BRWD1: variants seen among roughly 807,000 people sequenced by gnomAD.
The protein encoded by BRWD1 is bromodomain and WD repeat-containing protein 1.
In BRWD1, 82 loss-of-function variants were observed where a neutral mutation model predicts 251.2. The ratio of observed to expected loss-of-function variants is 0.33; its 90% CI spans 0.27 to 0.39. The LOEUF is 0.39. Ranked by LOEUF, BRWD1 falls within the 10% of genes least tolerant of loss-of-function variation. The pLI is 1.00. For synonymous variants in BRWD1, 918 were observed against 902.8 expected (o/e 1.02, Z -0.30); for missense variants, 2,233 against 2,711.6 (o/e 0.82, Z 3.92).
rs878965635 is a variant in BRWD1, at chr21:39,194,818, A to T, written c.*1441T>A. 6.5e-7 allele frequency: 1 copy of T among 1,534,388 alleles called. No homozygotes were observed. The highest frequency in any genetic ancestry group is 1.2e-5 in the South Asian group (1 of 83,990). On this transcript the variant is annotated 3_prime_UTR_variant, in exon 41 of 41. Transcript: ENST00000342449. The stretch of plus-strand genomic sequence containing the variant: ...AATATTGATACCAGTCTGATGCTTC[A>T]CCTTATCTGCCACTTCAAAGATACA...
intron 20 of BRWD1, 43 bp from the exon 21 acceptor site, chr21:39,247,875 T>G (rs1177774786): frequency 1.1e-5 from 17 of 1,543,852 alleles, no homozygotes; most frequent in Non-Finnish European, 1.5e-5. Flanking sequence ...AACACCTAAA[T>G]AAGGACAATA....
At chr21:39,278,879 T>C (rs1197361756) in intron 9 of BRWD1, 66 bp from the exon 10 acceptor site, 1 of 1,215,084 alleles carries the variant, frequency 8.2e-7, no homozygotes, top group South Asian at 1.6e-5. Context: ...CTTAAAATAT[T>C]AGTTTTAATC....
At chr21:39,239,222 G>A (rs1234459789) in intron 21 of BRWD1, among the ~76,000 whole-genome samples, 1 of 151,832 alleles carries the variant, frequency 6.6e-6, no homozygotes, top group Non-Finnish European at 1.5e-5. Context: ...TTTCATGATT[G>A]TGCTTTTGAT....
intron 23 of BRWD1, among the ~76,000 whole-genome samples, chr21:39,234,921 A>G (rs1013082661): frequency 1.3e-5 from 2 of 152,196 alleles, no homozygotes; most frequent in African/African-American, 2.4e-5. Flanking sequence ...ATCTTTTAAC[A>G]TTAATGGAAT....
At position 39,265,028 on chromosome 21, in the gene BRWD1, C is replaced by A. The variant is rs1016779687; in HGVS notation, c.1531-9G>T. On this transcript the variant is annotated splice_polypyrimidine_tract_variant and intron_variant, in intron 15 of 40. Coordinates refer to ENST00000342449, the MANE Select transcript of BRWD1 (RefSeq NM_033656.4). ...TGTCCTTGTCCTTCAATCTAGGAAA[C>A]ACAAAAGGAAAAAAGTTAGGACCAA... 9 of 1,599,608 alleles carry A rather than the reference C, an allele frequency of 5.6e-6. No individual in the cohort carries two copies. Among genetic ancestry groups the A allele is most frequent in the South Asian group, 4.5e-5 (4 of 88,408 alleles).
intron 13 of BRWD1, among the ~76,000 whole-genome samples, chr21:39,271,725 T>C (rs1325827933): frequency 6.9e-6 from 1 of 145,386 alleles, no homozygotes; most frequent in Non-Finnish European, 1.5e-5. Context: ...AAAAAGATAT[T>C]ACAAGCATCT....
Position 39,201,178 on chromosome 21 carries a change from A to C in BRWD1, c.4586-792T>G, listed in dbSNP as rs6517525. 2.0e-5 allele frequency among the ~76,000 whole-genome samples: 3 copies of C among 152,238 alleles called. No homozygotes were observed. The East Asian group carries it at 5.8e-4, about 29-fold the overall frequency. On this transcript the variant is annotated intron_variant, in intron 38 of 40. Transcript: ENST00000342449. ...TCTTACATAACAGCTACACGAGAGA[A>C]AGAGTGTGAGAGGGAAGAAAAGAAA...
chr21:39,309,633 G>T (rs1024074761), intron 4 of BRWD1, among the ~76,000 whole-genome samples: 1 of 151,462 alleles, frequency 6.6e-6, no homozygotes, highest in Non-Finnish European at 1.5e-5. Flanking sequence ...GACCATCCTG[G>T]CTAACACAGT....
chr21:39,202,988 A>T (rs1010458101), intron 37 of BRWD1, among the ~76,000 whole-genome samples: 2 of 152,228 alleles, frequency 1.3e-5, no homozygotes, highest in African/African-American at 4.8e-5. Flanking sequence ...AGGAAAAGTT[A>T]AAAAAAGGCA....
At chr21:39,232,582 C>A in intron 23 of BRWD1, 84 bp from the exon 24 acceptor site, 1 of 1,483,750 alleles carries the variant, frequency 6.7e-7, no homozygotes, top group Non-Finnish European at 9.1e-7. Context: ...GAAACTTTCA[C>A]CATTCAGAAT....
At chr21:39,275,172 T>G (rs2035241807) in intron 12 of BRWD1, among the ~76,000 whole-genome samples, 1 of 152,248 alleles carries the variant, frequency 6.6e-6, no homozygotes, top group Non-Finnish European at 1.5e-5. Context: ...TAATTCATGT[T>G]GGACACTGTG....
At chr21:39,228,854 CATTT>C (rs1485944256) in intron 26 of BRWD1, among the ~76,000 whole-genome samples, 3 of 152,066 alleles carry the variant, frequency 2.0e-5, no homozygotes, top group African/African-American at 7.2e-5. Flanking sequence ...ACAACACATT[CATTT>C]CTTTAAAAAA....
chr21:39,250,864 T>C lies in BRWD1; in HGVS notation c.2281A>G (p.Lys761Glu). Residue 761 changes from lysine to glutamate, a missense_variant, in exon 20 of 41, where the codon AAA (lysine) becomes GAA (glutamate). By Grantham distance (56) the Lys-to-Glu change is moderately conservative (BLOSUM62 1). This residue lies in a region of BRWD1 where 214 missense variants were observed against 222.0 expected (regional missense o/e 0.96). Coordinates refer to ENST00000342449, the MANE Select transcript of BRWD1 (RefSeq NM_033656.4). ...TAAAGATTTCTTTCCTCTTCACCTTTCTCTAATCGGAAGTCTTCCAGCTTC... is the reference window on the plus strand; with the variant it reads ...TAAAGATTTCTTTCCTCTTCACCTTCCTCTAATCGGAAGTCTTCCAGCTTC... ...FRKLEDFRLE[K>E]GEEERNLYII... The C allele has an allele frequency of 6.3e-7, 1 of 1,599,210 alleles. No homozygotes were observed. Among genetic ancestry groups the C allele is most frequent in the Non-Finnish European group, 8.5e-7 (1 of 1,172,784 alleles).
rs923391538 is a variant in BRWD1 at position 39,192,696 on chromosome 21, G to T, written c.*3563C>A. On this transcript the variant is annotated 3_prime_UTR_variant, in exon 41 of 41. Coordinates refer to ENST00000342449, the MANE Select transcript of BRWD1 (RefSeq NM_033656.4). ...CAGCTTTAAAAGGGCAAAGCAAAAA[G>T]ACCATTTTCTAGCCATTTAAAAGTT... is the stretch of plus-strand genomic sequence containing the variant. 2 of 984,920 alleles carry T rather than the reference G, an allele frequency of 2.0e-6. No homozygotes were observed. The highest frequency in any genetic ancestry group is 2.4e-6 in the Non-Finnish European group (2 of 829,734). The allele number at this position is 984,920 out of a possible 1,614,324, so 61.0% of individuals were successfully genotyped here. A position where few individuals can be genotyped will look rare whatever the true frequency, so the allele number is the denominator to read the frequency against.
intron 12 of BRWD1, 71 bp from the exon 13 acceptor site, chr21:39,274,543 T>A: frequency 1.7e-5 from 20 of 1,208,480 alleles, no homozygotes; most frequent in Admixed American, 1.2e-4. Flanking sequence ...TAAAATCACA[T>A]GCAAAAAAAG....
At chr21:39,281,890 ATATGTATG>A (rs10566010) in intron 8 of BRWD1, among the ~76,000 whole-genome samples, 1 of 145,214 alleles carries the variant, frequency 6.9e-6, no homozygotes, top group Non-Finnish European at 1.5e-5. Flanking sequence ...ATATATATAT[ATATGTATG>A]TATGTATACA....
intron 8 of BRWD1, among the ~76,000 whole-genome samples, chr21:39,283,860 CT>C (rs960714100): frequency 5.2e-4 from 79 of 151,504 alleles, no homozygotes; most frequent in African/African-American, 1.8e-3. Context: ...AATAGTCTTG[CT>C]TTTTTTTTCT....
chr21:39,299,425 A>C (rs941120294), intron 4 of BRWD1, among the ~76,000 whole-genome samples: 1 of 152,164 alleles, frequency 6.6e-6, no homozygotes, highest in African/African-American at 2.4e-5. Context: ...GTAAGTACTG[A>C]CAGCCTATTA....
At position 39,279,614 on chromosome 21, in the gene BRWD1, G is replaced by A. The variant is rs376188791; in HGVS notation, c.932+534C>T. On this transcript the variant is annotated intron_variant, in intron 9 of 40. Transcript: ENST00000342449. ...AGATCACGCCATCACACTCCAGCCT[G>A]GGCAACAGAGTGAGACTCCATCTCA... 2.9e-4 allele frequency among the ~76,000 whole-genome samples: 40 copies of A among 139,662 alleles called. 1 individual carries two copies. The East Asian group carries it at 5.6e-3, about 20-fold the overall frequency. The allele number at this position is 139,662 out of a possible 152,430, so 91.6% of individuals were successfully genotyped here.
Sources: gnomAD v4.1 joint callset for allele counts (sites outside exome capture counted in the v4.1 genomes callset) on GRCh38, gnomAD v4.1.1 for gene constraint, gnomAD v4.1.1 regional missense constraint, MANE v1.5 for transcripts, NCBI Gene and HGNC (gene_info 2026-07-23, HGNC 2026-07-21) for gene names.